ARPC2: variants seen among roughly 807,000 people sequenced by gnomAD.
ARPC2 encodes the protein actin-related protein 2/3 complex subunit 2.
A neutral mutation model predicts 38.6 loss-of-function variants in ARPC2; 4 were observed. The ratio of observed to expected loss-of-function variants is 0.10; its 90% CI spans 0.05 to 0.24. The LOEUF (loss-of-function observed/expected upper bound fraction) is 0.24, where lower values mean the gene tolerates loss of function less well. Among genes scored for constraint, ARPC2 ranks in the 10% least tolerant of loss-of-function variants. The pLI, the probability that ARPC2 is intolerant of heterozygous loss-of-function variation, is 1.00. For synonymous variants in ARPC2, 125 were observed against 140.8 expected, an observed-to-expected ratio of 0.89 and a Z score of 0.79; for missense variants, 229 against 387.3, an observed-to-expected ratio of 0.59 and a Z score of 3.43.
chr2:218,246,643 C>G (rs115392556), intron 8 of ARPC2, among the ~76,000 whole-genome samples: 3,209 of 152,138 alleles, frequency 0.021, 114 homozygotes, highest in African/African-American at 0.073. Context: ...GAGTTTGGGA[C>G]CAGCCTGGAT....
chr2:218,250,307 C>G (rs1690153992), intron 10 of ARPC2, among the ~76,000 whole-genome samples: 1 of 152,090 alleles, frequency 6.6e-6, no homozygotes, highest in Admixed American at 6.5e-5. Flanking sequence ...TGTTCTTTTT[C>G]CTGGTCCACT....
At chr2:218,244,641 G>C (rs17653757) in intron 7 of ARPC2, among the ~76,000 whole-genome samples, 62,596 of 152,270 alleles carry the variant, frequency 0.41, 14,875 homozygotes, top group South Asian at 0.61. Context: ...TACCTGCCTG[G>C]GTTTGTTGGA....
At chr2:218,226,732 T>C (rs1007451035) in intron 3 of ARPC2, among the ~76,000 whole-genome samples, 4 of 151,778 alleles carry the variant, frequency 2.6e-5, no homozygotes, top group African/African-American at 7.3e-5. Flanking sequence ...TTTAATCCAC[T>C]GATGACTGAC....
intron 2 of ARPC2, among the ~76,000 whole-genome samples, chr2:218,220,694 T>C (rs1386455504): frequency 1.3e-5 from 2 of 151,630 alleles, no homozygotes; most frequent in East Asian, 3.9e-4. Flanking sequence ...TCAGCTTTCT[T>C]TTGGGTAAAG....
intron 3 of ARPC2, 35 bp downstream of exon 3, chr2:218,225,989 G>A (rs1689486889): frequency 6.2e-6 from 10 of 1,609,476 alleles, no homozygotes; most frequent in Non-Finnish European, 8.5e-6. Context: ...TGAAGAGAAG[G>A]TACAATATGA....
At chr2:218,233,367 A>C (rs1689686233) in intron 4 of ARPC2, 1 of 152,060 alleles carries the variant, frequency 6.6e-6, no homozygotes, top group South Asian at 2.1e-4. Context: ...AAAAAAAATC[A>C]TAATTTTTAA....
chr2:218,225,880 TAC>T (rs1439679092), intron 2 of ARPC2, 38 bp from the exon 3 acceptor site: 2 of 1,607,312 alleles, frequency 1.2e-6, no homozygotes, highest in African/African-American at 1.3e-5. Context: ...TAAGCAGCAA[TAC>T]AGTCATCTTA....
rs764543262 is a variant in ARPC2, at chr2:218,217,447, C to T, written c.-8-16C>T. The T allele has an allele frequency of 7.4e-6, 12 of 1,613,410 alleles. No individual in the cohort carries two copies. The highest frequency in any genetic ancestry group is 1.3e-5 in the African/African-American group (1 of 74,924). On this transcript the variant is annotated splice_polypyrimidine_tract_variant and intron_variant, in intron 1 of 10. Coordinates refer to ENST00000315717, the MANE Select transcript of ARPC2 (RefSeq NM_152862.3). ...CCACCCTCACCGGCCCTTGTTTCTC[C>T]TTCCCCTGGGGGCAGCCGCCGCCAT...
Position 218,217,199 on chromosome 2 carries a change from C to T in ARPC2, c.-64C>T, listed in dbSNP as rs1689264208. 4.7e-6 allele frequency: 2 copies of T among 429,476 alleles called. No homozygotes were observed. The highest frequency in any genetic ancestry group is 4.1e-6 in the Non-Finnish European group (1 of 242,190). The allele number at this position is 429,476 out of a possible 1,614,324, so 26.6% of individuals were successfully genotyped here. A position where few individuals can be genotyped will look rare whatever the true frequency, so the allele number is the denominator to read the frequency against. On this transcript the variant is annotated 5_prime_UTR_variant, in exon 1 of 11. Transcript: ENST00000315717. ...GCGGGGACCGGGCTTGTCGGTGAAG[C>T]GGCAGTGGCGGCGGCGGCGGCGGCT...
At chr2:218,251,503 G>A (rs537892546) in intron 10 of ARPC2, among the ~76,000 whole-genome samples, 48 of 151,640 alleles carry the variant, frequency 3.2e-4, no homozygotes, top group Middle Eastern at 3.4e-3. Context: ...GAGCCACCGC[G>A]CCCAGCCCAG....
chr2:218,241,158 C>T (rs2106155317), intron 7 of ARPC2, among the ~76,000 whole-genome samples: 1 of 152,292 alleles, frequency 6.6e-6, no homozygotes, highest in East Asian at 1.9e-4. Flanking sequence ...TTTTTAAATT[C>T]TGAAGCAGAA....
intron 10 of ARPC2, among the ~76,000 whole-genome samples, chr2:218,252,163 C>T (rs1009030986): frequency 9.9e-5 from 15 of 152,130 alleles, no homozygotes; most frequent in African/African-American, 2.7e-4. Flanking sequence ...GCAGAGGTTG[C>T]GGTGAGCTAA....
intron 10 of ARPC2, among the ~76,000 whole-genome samples, chr2:218,251,997 G>C (rs1309172300): frequency 6.6e-6 from 1 of 152,158 alleles, no homozygotes; most frequent in African/African-American, 2.4e-5. Flanking sequence ...GAGGCAGGCG[G>C]ATCACCTGAG....
At position 218,225,261 on chromosome 2, in the gene ARPC2, A is replaced by G. The variant is rs563825658; in HGVS notation, c.75-659A>G. Reference sequence around the variant, plus strand: ...TAAAGCAGATGTCCTGACTATTCTTAGTGATTTCATAGTGTTATTTTGTGT... The same window carrying G: ...TAAAGCAGATGTCCTGACTATTCTTGGTGATTTCATAGTGTTATTTTGTGT... On this transcript the variant is annotated intron_variant, in intron 2 of 10. Coordinates refer to ENST00000315717, the MANE Select transcript of ARPC2 (RefSeq NM_152862.3). Among the ~76,000 whole-genome samples the G allele has an allele frequency of 1.4e-4, 21 of 152,308 alleles. No homozygotes were observed. The East Asian group carries it at 3.9e-3, about 28-fold the overall frequency.
chr2:218,228,060 AAATC>A (rs1367098648), intron 3 of ARPC2, among the ~76,000 whole-genome samples: 1 of 152,212 alleles, frequency 6.6e-6, no homozygotes, highest in Non-Finnish European at 1.5e-5. Context: ...GCTTCAAAAT[AAATC>A]AATGGGAAGG....
At chr2:218,247,230 T>A (rs1690061619) in intron 8 of ARPC2, among the ~76,000 whole-genome samples, 1 of 152,250 alleles carries the variant, frequency 6.6e-6, no homozygotes, top group Non-Finnish European at 1.5e-5. Flanking sequence ...GCTCCAGCCG[T>A]GATCCACTTA....
rs1690122885 is a variant in ARPC2, at chr2:218,249,309, A to C, written c.677-55A>C. On this transcript the variant is annotated intron_variant, in intron 8 of 10. Coordinates refer to ENST00000315717, the MANE Select transcript of ARPC2 (RefSeq NM_152862.3). ...GTTCACTAGGCTGTTGTTCTTCCCC[A>C]CCCTTTGGCATTTGTGTCGTGTCCT... is the stretch of plus-strand genomic sequence containing the variant. 5 of 1,288,130 alleles carry C rather than the reference A, an allele frequency of 3.9e-6. No individual in the cohort carries two copies. The South Asian group carries it at 6.2e-5, about 16-fold the overall frequency. 79.8% of individuals were successfully genotyped at this position (1,288,130 alleles called of 1,614,324 possible).
At chr2:218,218,863 T>A (rs759530889) in intron 2 of ARPC2, among the ~76,000 whole-genome samples, 1 of 152,242 alleles carries the variant, frequency 6.6e-6, no homozygotes, top group Non-Finnish European at 1.5e-5. Flanking sequence ...AGCAGTACTG[T>A]TTCCTGCCAG....
intron 8 of ARPC2, among the ~76,000 whole-genome samples, chr2:218,248,904 C>G (rs560380090): frequency 6.6e-6 from 1 of 152,350 alleles, no homozygotes; most frequent in South Asian, 2.1e-4. Context: ...ATGGGAAATT[C>G]TCTGGCATCT....
Sources: gnomAD v4.1 joint callset for allele counts (sites outside exome capture counted in the v4.1 genomes callset) on GRCh38, gnomAD v4.1.1 for gene constraint, MANE v1.5 for transcripts, NCBI Gene and HGNC (gene_info 2026-07-23, HGNC 2026-07-21) for gene names.